CACNA2D3: variants seen among roughly 807,000 people sequenced by gnomAD.
CACNA2D3 encodes voltage-dependent calcium channel subunit alpha-2/delta-3.
A neutral mutation model predicts 160.6 loss-of-function variants in CACNA2D3; 60 were observed. That is an observed-to-expected ratio of 0.37 (90% CI 0.30 to 0.46). The LOEUF is 0.46. Among genes scored for constraint, CACNA2D3 ranks in the 20% least tolerant of loss-of-function variants. The pLI is 1.00. For missense variants in CACNA2D3, 1,205 were observed against 1,365.0 expected, an observed-to-expected ratio of 0.88 and a Z score of 1.85; for synonymous variants, 558 against 492.9, an observed-to-expected ratio of 1.13 and a Z score of -1.75.
intron 5 of CACNA2D3, among the ~76,000 whole-genome samples, chr3:54,529,587 G>T (rs1701776020): frequency 6.6e-6 from 1 of 152,182 alleles, no homozygotes; most frequent in Admixed American, 6.5e-5. Context: ...CCCAGTTGCT[G>T]TGAGCATTCA....
intron 17 of CACNA2D3, among the ~76,000 whole-genome samples, chr3:54,860,169 G>A (rs1350221318): frequency 3.3e-5 from 5 of 152,136 alleles, no homozygotes; most frequent in Non-Finnish European, 7.3e-5. Context: ...CTTGGGAATG[G>A]GAAATAGAAA....
chr3:54,761,069 A>G (rs546746939), intron 12 of CACNA2D3, among the ~76,000 whole-genome samples: 2 of 151,624 alleles, frequency 1.3e-5, no homozygotes, highest in African/African-American at 4.8e-5. Flanking sequence ...TTTTCCCCCA[A>G]CTCCCTCTCT....
At chr3:54,401,684 G>A (rs1279040679) in intron 4 of CACNA2D3, among the ~76,000 whole-genome samples, 2 of 152,158 alleles carry the variant, frequency 1.3e-5, no homozygotes, top group Non-Finnish European at 2.9e-5. Context: ...AGAAACAAAA[G>A]TCTTTCCTAG....
At chr3:55,040,177 T>G (rs1428548861) in intron 35 of CACNA2D3, among the ~76,000 whole-genome samples, 6 of 152,092 alleles carry the variant, frequency 3.9e-5, no homozygotes, top group Non-Finnish European at 8.8e-5. Context: ...GAGCATGTAT[T>G]CCACCATGAG....
chr3:54,767,040 C>T lies in CACNA2D3; in HGVS notation c.1380+2689C>T, dbSNP rs1005163438. ...CCCTCCCCAAGCCATCTTCTCTGCA[C>T]CACCTCCCACATCTTATTAGGATAT... is the stretch of plus-strand genomic sequence containing the variant. On this transcript the variant is annotated intron_variant, in intron 13 of 37. Coordinates refer to ENST00000474759, the MANE Select transcript of CACNA2D3 (RefSeq NM_018398.3). 3.6e-4 allele frequency among the ~76,000 whole-genome samples: 54 copies of T among 151,682 alleles called. 1 individual carries two copies. Among genetic ancestry groups the T allele is most frequent in the African/African-American group, 1.2e-3 (50 of 41,420 alleles).
At position 54,362,217 on chromosome 3, in the gene CACNA2D3, C is replaced by T. The variant is rs78130494; in HGVS notation, c.322-24498C>T. Among the ~76,000 whole-genome samples the T allele has an allele frequency of 3.4e-3, 524 of 152,264 alleles. 13 individuals carry two copies. The East Asian group carries it at 0.059, about 17-fold the overall frequency. Reference sequence around the variant, plus strand: ...TCTCACAAGGCAGAAATCAAAGTGTCGGCGAGGACGAAGGTCTTGTTTGAG... The same window carrying T: ...TCTCACAAGGCAGAAATCAAAGTGTTGGCGAGGACGAAGGTCTTGTTTGAG... On this transcript the variant is annotated intron_variant, in intron 3 of 37. Coordinates refer to ENST00000474759, the MANE Select transcript of CACNA2D3 (RefSeq NM_018398.3).
chr3:54,427,943 C>G (rs559319387), intron 4 of CACNA2D3, among the ~76,000 whole-genome samples: 4 of 152,272 alleles, frequency 2.6e-5, no homozygotes, highest in Non-Finnish European at 4.4e-5. Context: ...AAGTTAAGAG[C>G]CCTCAACATG....
intron 3 of CACNA2D3, among the ~76,000 whole-genome samples, chr3:54,344,465 A>G (rs1253089218): frequency 6.6e-6 from 1 of 152,166 alleles, no homozygotes; most frequent in Non-Finnish European, 1.5e-5. Flanking sequence ...CCATAAAGTA[A>G]AGCAAATTGT....
At chr3:54,519,341 C>T (rs926141479) in intron 5 of CACNA2D3, among the ~76,000 whole-genome samples, 2 of 152,224 alleles carry the variant, frequency 1.3e-5, no homozygotes, top group Non-Finnish European at 2.9e-5. Flanking sequence ...TAGGCCCGAA[C>T]TGCCTTCCAG....
At chr3:54,316,641 G>C (rs1440217285) in intron 2 of CACNA2D3, among the ~76,000 whole-genome samples, 3 of 152,214 alleles carry the variant, frequency 2.0e-5, no homozygotes, top group African/African-American at 7.2e-5. Flanking sequence ...CCACAGCTTG[G>C]CAAAGAGCTT....
At chr3:54,939,303 T>G (rs572036654) in intron 27 of CACNA2D3, among the ~76,000 whole-genome samples, 1 of 152,356 alleles carries the variant, frequency 6.6e-6, no homozygotes, top group East Asian at 1.9e-4. Flanking sequence ...TTGATGAGAC[T>G]GACTCACTTG....
intron 6 of CACNA2D3, among the ~76,000 whole-genome samples, chr3:54,567,306 G>A (rs1010065328): frequency 1.3e-5 from 2 of 152,172 alleles, no homozygotes; most frequent in Non-Finnish European, 2.9e-5. Flanking sequence ...TATCTGGAAG[G>A]TATGTGTTTA....
chr3:54,246,317 A>G (rs1174039121), intron 2 of CACNA2D3, among the ~76,000 whole-genome samples: 1 of 152,200 alleles, frequency 6.6e-6, no homozygotes, highest in South Asian at 2.1e-4. Flanking sequence ...AAGTCTGATC[A>G]TAATATTTTT....
chr3:54,704,576 G>C (rs1292337422), intron 11 of CACNA2D3, among the ~76,000 whole-genome samples: 1 of 151,742 alleles, frequency 6.6e-6, no homozygotes, highest in Non-Finnish European at 1.5e-5. Context: ...TTTCTTTTTT[G>C]ACTTGCCAGA....
intron 14 of CACNA2D3, among the ~76,000 whole-genome samples, chr3:54,836,209 C>A (rs1025692457): frequency 6.7e-6 from 1 of 149,896 alleles, no homozygotes; most frequent in Non-Finnish European, 1.5e-5. Flanking sequence ...ATTTCAAGGG[C>A]CATTCTTTTT....
intron 4 of CACNA2D3, among the ~76,000 whole-genome samples, chr3:54,480,945 C>G (rs765943227): frequency 2.0e-5 from 3 of 152,202 alleles, no homozygotes; most frequent in Non-Finnish European, 4.4e-5. Context: ...CCTTCTCACT[C>G]ATAGGCCTGA....
At chr3:55,070,719 G>C (rs553819616) in intron 35 of CACNA2D3, among the ~76,000 whole-genome samples, 2 of 152,262 alleles carry the variant, frequency 1.3e-5, no homozygotes, top group South Asian at 2.1e-4. Flanking sequence ...TATTTTTTCT[G>C]ATGAAAATGT....
intron 11 of CACNA2D3, among the ~76,000 whole-genome samples, chr3:54,690,298 T>C (rs1700548380): frequency 6.6e-6 from 1 of 152,290 alleles, no homozygotes; most frequent in South Asian, 2.1e-4. Context: ...TAATTTTTTT[T>C]CCCATAGTAA....
At chr3:54,911,373 T>TTTTTTTTTAG (rs1700552629) in intron 27 of CACNA2D3, among the ~76,000 whole-genome samples, 1 of 141,668 alleles carries the variant, frequency 7.1e-6, no homozygotes, top group Non-Finnish European at 1.5e-5. Flanking sequence ...TTTTTTTTTT[T>TTTTTTTTTAG]AAAGAGATGG....
Sources: gnomAD v4.1 joint callset for allele counts (sites outside exome capture counted in the v4.1 genomes callset) on GRCh38, gnomAD v4.1.1 for gene constraint, MANE v1.5 for transcripts, NCBI Gene and HGNC (gene_info 2026-07-23, HGNC 2026-07-21) for gene names.